Variants in PROCR observed in about 807,000 individuals in gnomAD.
The protein encoded by PROCR is protein C receptor.
In PROCR, 22 loss-of-function variants were observed where a neutral mutation model predicts 24.2. The ratio of observed to expected loss-of-function variants is 0.91; its 90% CI spans 0.65 to 1.30. PROCR has a LOEUF of 1.30. PROCR is among the 50% of genes most tolerant of loss of function. The pLI, the probability that PROCR is intolerant of heterozygous loss-of-function variation, is 0.00. For synonymous variants in PROCR, 137 were observed against 139.2 expected (o/e 0.98, Z 0.11); for missense variants, 288 against 307.7 (o/e 0.94, Z 0.48).
downstream of PROCR, among the ~76,000 whole-genome samples, chr20:35,182,330 T>C (rs2086085164): frequency 6.6e-6 from 1 of 152,172 alleles, no homozygotes; most frequent in South Asian, 2.1e-4. Context: ...AGACAGACTC[T>C]TGGTCTGTTG....
chr20:35,198,036 G>C (rs1392016379), intron 1 of PROCR, among the ~76,000 whole-genome samples: 3 of 151,950 alleles, frequency 2.0e-5, no homozygotes, highest in Non-Finnish European at 2.9e-5. Flanking sequence ...TGTAATCCCA[G>C]CACTTTGGGA....
chr20:35,192,934 A>G (rs2086186189), intron 1 of PROCR, among the ~76,000 whole-genome samples: 1 of 152,216 alleles, frequency 6.6e-6, no homozygotes, highest in African/African-American at 2.4e-5. Flanking sequence ...ATAATGGAAT[A>G]TACAACGAGA....
downstream of PROCR, among the ~76,000 whole-genome samples, chr20:35,178,498 C>T (rs2086045129): frequency 9.7e-6 from 1 of 102,660 alleles, no homozygotes; most frequent in Non-Finnish European, 1.9e-5. Context: ...TTAACTTCTT[C>T]AAGTCTCAGT....
At chr20:35,182,123 A>G (rs945961), downstream of PROCR, among the ~76,000 whole-genome samples, 14,034 of 152,234 alleles carry the variant, frequency 0.092, 739 homozygotes, top group South Asian at 0.16. Context: ...GGAAAAGGAA[A>G]ACTTTAGATA....
intron 1 of PROCR, among the ~76,000 whole-genome samples, chr20:35,198,950 A>G (rs191279511): frequency 4.9e-4 from 75 of 152,230 alleles, no homozygotes; most frequent in African/African-American, 1.6e-3. Context: ...TCCTGACCTC[A>G]TGATCTGCCC....
intron 1 of PROCR, among the ~76,000 whole-genome samples, chr20:35,211,796 C>T (rs1398759156): frequency 6.6e-6 from 1 of 152,036 alleles, no homozygotes; most frequent in African/African-American, 2.4e-5. Flanking sequence ...GGAGGATCAC[C>T]CGAGATCAGG....
downstream of PROCR, among the ~76,000 whole-genome samples, chr20:35,179,705 GCT>G (rs754144126): frequency 2.0e-5 from 3 of 152,056 alleles, no homozygotes; most frequent in Non-Finnish European, 4.4e-5. Context: ...CCCCAAATCT[GCT>G]CTCTCTACTT....
In PROCR at chr20:35,214,061, C is replaced by T. The variant is rs796590671; in HGVS notation, c.95-1832C>T. 9.9e-5 allele frequency among the ~76,000 whole-genome samples: 15 copies of T among 151,250 alleles called. No homozygotes were observed. In the South Asian group the frequency reaches 2.3e-3, roughly 23 times the overall value. ...CTGCACTCCAGCCTGGGTAACAGAG[C>T]GTGACTCCATCTCAAAAAAATAAAA... On this transcript the variant is annotated intron_variant, in intron 1 of 1. Transcript: ENST00000634509.
intron 1 of PROCR, among the ~76,000 whole-genome samples, chr20:35,190,484 A>C (rs632688): frequency 0.84 from 127,727 of 152,144 alleles, 54,363 homozygotes; most frequent in East Asian, 1. Context: ...CCCAAACAAA[A>C]AACAAAACCC....
intron 1 of PROCR, among the ~76,000 whole-genome samples, chr20:35,206,675 T>C (rs565314902): frequency 2.8e-4 from 42 of 152,202 alleles, no homozygotes; most frequent in Admixed American, 9.2e-4. Context: ...TATACACCTA[T>C]TGAAATTGAA....
intron 1 of PROCR, among the ~76,000 whole-genome samples, chr20:35,201,033 A>G (rs192968957): frequency 1.3e-5 from 2 of 152,296 alleles, no homozygotes; most frequent in Non-Finnish European, 2.9e-5. Context: ...GAAGTGGTCT[A>G]GAACTGAACC....
intron 1 of PROCR, among the ~76,000 whole-genome samples, chr20:35,189,434 T>C (rs1466323592): frequency 5.9e-5 from 9 of 152,178 alleles, no homozygotes; most frequent in African/African-American, 2.2e-4. Flanking sequence ...TTGAACCCTG[T>C]TGTTTATCAA....
At chr20:35,181,313 C>T (rs536718450), downstream of PROCR, among the ~76,000 whole-genome samples, 17 of 151,556 alleles carry the variant, frequency 1.1e-4, no homozygotes, top group South Asian at 3.1e-3. Flanking sequence ...CTCACTCTGT[C>T]ACCCAGGCTG....
At chr20:35,212,372 G>A (rs563216642) in intron 1 of PROCR, among the ~76,000 whole-genome samples, 8 of 152,176 alleles carry the variant, frequency 5.3e-5, no homozygotes, top group African/African-American at 1.9e-4. Context: ...CCTCACGCTT[G>A]TTTTAATGTT....
upstream of PROCR, chr20:35,172,034 C>A: frequency 2.3e-6 from 2 of 860,898 alleles, no homozygotes; most frequent in Non-Finnish European, 3.9e-6. Context: ...TCCTTCCATC[C>A]TCCTCTGCCC....
intron 1 of PROCR, among the ~76,000 whole-genome samples, chr20:35,199,761 A>C (rs2060312078): frequency 6.6e-6 from 1 of 152,094 alleles, no homozygotes; most frequent in South Asian, 2.1e-4. Context: ...AAAAAAAAAA[A>C]AACATTTCAT....
At chr20:35,171,101 A>C (rs1442474268), upstream of PROCR, among the ~76,000 whole-genome samples, 1 of 152,100 alleles carries the variant, frequency 6.6e-6, no homozygotes, top group African/African-American at 2.4e-5. Context: ...GACGTTCGCC[A>C]TATTGGCCAG....
chr20:35,199,215 C>A (rs2060309805), intron 1 of PROCR, among the ~76,000 whole-genome samples: 1 of 152,140 alleles, frequency 6.6e-6, no homozygotes, highest in Non-Finnish European at 1.5e-5. Context: ...AACAACAAAG[C>A]CTGGATGACA....
intron 1 of PROCR, among the ~76,000 whole-genome samples, chr20:35,197,853 T>C (rs2060304329): frequency 6.7e-6 from 1 of 150,364 alleles, no homozygotes; most frequent in Admixed American, 6.6e-5. Context: ...AAGAGTCACA[T>C]ACATCTCTCA....
Sources: allele counts gnomAD v4.1 joint callset (sites outside exome capture counted in the v4.1 genomes callset), GRCh38; gene constraint gnomAD v4.1.1; transcripts MANE v1.5; gene names NCBI Gene and HGNC (gene_info 2026-07-23, HGNC 2026-07-21).